MYPN: variants seen among roughly 807,000 people sequenced by gnomAD.
MYPN encodes sarcomeric protein myopalladin, 145 kDa (MYOP).
Under a neutral mutation model 129.4 loss-of-function variants are expected in MYPN, and 63 were observed. The observed-to-expected ratio is 0.49, with a 90% CI of 0.40 to 0.60. The LOEUF is 0.60. Ranked by LOEUF, MYPN falls within the 20% of genes least tolerant of loss-of-function variation. The pLI, the probability that MYPN is intolerant of heterozygous loss-of-function variation, is 0.00. For missense variants in MYPN, 1,596 were observed against 1,635.4 expected (o/e 0.98, Z 0.42); for synonymous variants, 629 against 600.9 (o/e 1.05, Z -0.68).
chr10:68,152,592 T>C (rs1387619877), intron 6 of MYPN, among the ~76,000 whole-genome samples: 1 of 152,218 alleles, frequency 6.6e-6, no homozygotes, highest in Non-Finnish European at 1.5e-5. Flanking sequence ...AAAGTTGTTA[T>C]TATTTTGAAA....
rs140166248 is a variant in MYPN, at chr10:68,192,245, A to G, written c.2926-2118A>G. ...TTAATTGAGTGCTTTTTCAGTGTCTATTGAAATGATCATATGGTTTTTGTC... is the reference window on the plus strand; with the variant it reads ...TTAATTGAGTGCTTTTTCAGTGTCTGTTGAAATGATCATATGGTTTTTGTC... On this transcript the variant is annotated intron_variant, in intron 13 of 19. Transcript: ENST00000358913. Among the ~76,000 whole-genome samples the G allele has an allele frequency of 3.6e-3, 549 of 152,282 alleles. 8 individuals carry two copies. The highest frequency in any genetic ancestry group is 0.012 in the African/African-American group (517 of 41,558).
rs1209657304 is a variant in MYPN, at chr10:68,135,466, CTG to C, written c.903-7472_903-7471del. ...TTGTCCGATATATTCCAGTTGCACT[CTG>C]TATATGAAGAAGAGTTACTCTGATG... On this transcript the variant is annotated intron_variant, in intron 2 of 19. Transcript: ENST00000358913. 30 of 982,584 alleles carry C rather than the reference CTG, an allele frequency of 3.1e-5. No individual in the cohort carries two copies. In the African/African-American group the frequency reaches 5.2e-4, roughly 17 times the overall value. 60.9% of individuals were successfully genotyped at this position (982,584 alleles called of 1,614,324 possible).
At chr10:68,179,279 C>T (rs1292911327) in intron 12 of MYPN, among the ~76,000 whole-genome samples, 1 of 152,166 alleles carries the variant, frequency 6.6e-6, no homozygotes, top group African/African-American at 2.4e-5. Context: ...TGGCTTTATG[C>T]TGCCCACTTT....
intron 1 of MYPN, among the ~76,000 whole-genome samples, chr10:68,120,043 TAGA>T (rs2042220168): frequency 6.6e-6 from 1 of 152,236 alleles, no homozygotes; most frequent in South Asian, 2.1e-4. Context: ...AGAAAATATT[TAGA>T]AGATTACTTT....
chr10:68,102,741 T>G (rs1473205764), upstream of MYPN, among the ~76,000 whole-genome samples: 1 of 152,174 alleles, frequency 6.6e-6, no homozygotes. Context: ...TTTGATTATA[T>G]TAACTTAACT....
chr10:68,210,756 T>C lies in MYPN; in HGVS notation c.*301T>C. 1 of 506,516 alleles carries C rather than the reference T, an allele frequency of 2.0e-6. No homozygotes were observed. Among genetic ancestry groups the C allele is most frequent in the South Asian group, 1.5e-5 (1 of 64,938 alleles). 31.4% of individuals were successfully genotyped at this position (506,516 alleles called of 1,614,324 possible). On this transcript the variant is annotated 3_prime_UTR_variant, in exon 20 of 20. Coordinates refer to ENST00000358913, the MANE Select transcript of MYPN (RefSeq NM_032578.4). ...AAAACTAGCATGCTCCCCTGCTCCC[T>C]GTTGTGTTAGGGATGTTTAGGTCAT...
chr10:68,206,923 T>C lies in MYPN; in HGVS notation c.3793+20T>C, dbSNP rs2043825597. The C allele has an allele frequency of 4.3e-6, 7 of 1,613,998 alleles. No individual in the cohort carries two copies. The East Asian group carries it at 1.6e-4, about 36-fold the overall frequency. ...TATACGGTAAGTGTAATGCTGTTAG[T>C]TGAACATCTGTATGCAACTGACAGC... On this transcript the variant is annotated intron_variant, in intron 19 of 19. Coordinates refer to ENST00000358913, the MANE Select transcript of MYPN (RefSeq NM_032578.4).
chr10:68,108,607 AG>A (rs1435775691), upstream of MYPN, among the ~76,000 whole-genome samples: 2 of 152,238 alleles, frequency 1.3e-5, no homozygotes, highest in Non-Finnish European at 2.9e-5. Context: ...CCATCATTTA[AG>A]TCTGAATTTT....
chr10:68,143,928 T>C (rs756568557), intron 3 of MYPN, among the ~76,000 whole-genome samples: 1 of 152,224 alleles, frequency 6.6e-6, no homozygotes, highest in East Asian at 1.9e-4. Context: ...CTAATTTTTG[T>C]ATTTTTAGTA....
At chr10:68,153,977 C>T (rs1273076856) in intron 6 of MYPN, among the ~76,000 whole-genome samples, 9 of 151,708 alleles carry the variant, frequency 5.9e-5, no homozygotes, top group East Asian at 1.9e-4. Context: ...TAACTCCTTC[C>T]TCTGCTGGTG....
chr10:68,195,649 C>A, intron 15 of MYPN, 117 bp downstream of exon 15: 1 of 820,926 alleles, frequency 1.2e-6, no homozygotes, highest in Non-Finnish European at 2.1e-6. Flanking sequence ...TCACTTGCAG[C>A]ACTAGCATCA....
At chr10:68,141,204 A>G (rs549321107) in intron 2 of MYPN, among the ~76,000 whole-genome samples, 59 of 150,544 alleles carry the variant, frequency 3.9e-4, no homozygotes, top group Middle Eastern at 3.5e-3. Flanking sequence ...CCCTGTCTCT[A>G]CTAAAAATAC....
At chr10:68,190,447 C>T (rs1413191877) in intron 13 of MYPN, among the ~76,000 whole-genome samples, 1 of 16,312 alleles carries the variant, frequency 6.1e-5, no homozygotes, top group African/African-American at 1.4e-4. Flanking sequence ...AGGCCTCAGC[C>T]TCCCAAAGTA....
intron 8 of MYPN, among the ~76,000 whole-genome samples, chr10:68,163,225 G>C (rs1163777938): frequency 6.6e-6 from 1 of 152,080 alleles, no homozygotes. Flanking sequence ...AGCCTTGGAG[G>C]TGGAGGTTGC....
At chr10:68,115,401 G>T (rs766615342) in intron 1 of MYPN, among the ~76,000 whole-genome samples, 1 of 152,078 alleles carries the variant, frequency 6.6e-6, no homozygotes, top group African/African-American at 2.4e-5. Flanking sequence ...GTTGCTCAGG[G>T]CATAAATATT....
chr10:68,107,491 C>A (rs1186422924), upstream of MYPN, among the ~76,000 whole-genome samples: 1 of 149,750 alleles, frequency 6.7e-6, no homozygotes, highest in African/African-American at 2.5e-5. Flanking sequence ...CAGGCATGCA[C>A]CTCTACGCCC....
intron 1 of MYPN, among the ~76,000 whole-genome samples, chr10:68,113,218 T>G (rs763552231): frequency 3.0e-4 from 46 of 152,240 alleles, no homozygotes; most frequent in South Asian, 4.1e-4. Flanking sequence ...GTTCTGCTCA[T>G]CCCTGTTTTA....
chr10:68,182,250 C>A (rs1405962944), intron 12 of MYPN, among the ~76,000 whole-genome samples: 84 of 61,336 alleles, frequency 1.4e-3, no homozygotes, highest in East Asian at 0.011. Context: ...ATATATATAA[C>A]ACACATATAT....
chr10:68,155,995 G>A (rs766944644), intron 6 of MYPN, among the ~76,000 whole-genome samples: 1 of 152,192 alleles, frequency 6.6e-6, no homozygotes, highest in South Asian at 2.1e-4. Context: ...GGTTTAAATT[G>A]TGAGCAACAT....
Sources: gnomAD v4.1 joint callset for allele counts (sites outside exome capture counted in the v4.1 genomes callset) on GRCh38, gnomAD v4.1.1 for gene constraint, MANE v1.5 for transcripts, NCBI Gene and HGNC (gene_info 2026-07-23, HGNC 2026-07-21) for gene names.